FIP1L1: variants seen among roughly 807,000 people sequenced by gnomAD.
The protein encoded by FIP1L1 is factor interacting with PAPOLA and CPSF1.
In FIP1L1, 21 loss-of-function variants were observed where a neutral mutation model predicts 84.6. The observed-to-expected ratio is 0.25, with a 90% CI of 0.18 to 0.36. The LOEUF is 0.36. Among genes scored for constraint, FIP1L1 ranks in the 10% least tolerant of loss-of-function variants. FIP1L1 has a pLI of 1.00. For missense variants in FIP1L1, 526 were observed against 751.1 expected (o/e 0.70, Z 3.50); for synonymous variants, 263 against 242.3 (o/e 1.09, Z -0.80).
intron 11 of FIP1L1, among the ~76,000 whole-genome samples, chr4:53,417,758 C>CAT (rs1760318752): frequency 3.5e-5 from 1 of 28,706 alleles, no homozygotes; most frequent in Non-Finnish European, 7.2e-5. Context: ...CACACACACA[C>CAT]ACACACTCTC....
intron 14 of FIP1L1, among the ~76,000 whole-genome samples, chr4:53,442,973 A>G (rs544048739): frequency 4.2e-4 from 64 of 152,236 alleles, no homozygotes; most frequent in Non-Finnish European, 8.4e-4. Flanking sequence ...AAGCTCCTAG[A>G]CTGTTAAAAA....
At chr4:53,423,476 G>A (rs1485864985) in intron 11 of FIP1L1, among the ~76,000 whole-genome samples, 4 of 152,106 alleles carry the variant, frequency 2.6e-5, no homozygotes, top group South Asian at 2.1e-4. Flanking sequence ...AAGAACTTTC[G>A]TGGAATAATA....
chr4:53,406,548 CT>C lies in FIP1L1; in HGVS notation c.815+6714del, dbSNP rs765024800. 2.6e-5 allele frequency among the ~76,000 whole-genome samples: 4 copies of C among 152,276 alleles called. No individual in the cohort carries two copies. In the East Asian group the frequency reaches 7.7e-4, roughly 29 times the overall value. ...CAAAATGAGTTAGGGAGGATTCCCT[CT>C]TTTTCTATTGATTGGAATAGTTTCA... On this transcript the variant is annotated intron_variant, in intron 10 of 17. Transcript: ENST00000337488.
At position 53,460,815 on chromosome 4, in the gene FIP1L1, C is replaced by A. The variant is rs1478462250; in HGVS notation, c.*1366C>A. 2.3e-5 allele frequency: 29 copies of A among 1,243,650 alleles called. No homozygotes were observed. The highest frequency in any genetic ancestry group is 3.2e-5 in the Non-Finnish European group (28 of 888,050). The allele number at this position is 1,243,650 out of a possible 1,614,324, so 77.0% of individuals were successfully genotyped here. On this transcript the variant is annotated 3_prime_UTR_variant, in exon 18 of 18. Transcript: ENST00000337488. ...CTGACATTTTTACAATGTATTCTTT[C>A]TTTAAATATAAAAACTGACAAGATA...
At chr4:53,392,409 A>G (rs1304292246) in intron 9 of FIP1L1, among the ~76,000 whole-genome samples, 1 of 152,232 alleles carries the variant, frequency 6.6e-6, no homozygotes, top group Non-Finnish European at 1.5e-5. Context: ...TACTGTACAC[A>G]GTTCTATATA....
At chr4:53,394,806 AAATAT>A (rs1408385577) in intron 9 of FIP1L1, among the ~76,000 whole-genome samples, 2 of 151,888 alleles carry the variant, frequency 1.3e-5, no homozygotes, top group Non-Finnish European at 2.9e-5. Flanking sequence ...ATTTTTTTAT[AAATAT>A]AATTTAAAAT....
intron 13 of FIP1L1, among the ~76,000 whole-genome samples, chr4:53,438,889 C>G (rs543943897): frequency 9.2e-5 from 14 of 152,142 alleles, no homozygotes; most frequent in African/African-American, 3.4e-4. Flanking sequence ...TAAGCCTTAG[C>G]TAAAGTGATA....
chr4:53,387,298 A>G (rs1049054986), intron 5 of FIP1L1, among the ~76,000 whole-genome samples: 1 of 152,204 alleles, frequency 6.6e-6, no homozygotes, highest in Admixed American at 6.5e-5. Flanking sequence ...TCCTGTCTCA[A>G]AGAATAAATA....
intron 3 of FIP1L1, among the ~76,000 whole-genome samples, chr4:53,380,026 T>C (rs1560478814): frequency 6.6e-6 from 1 of 152,080 alleles, no homozygotes; most frequent in Non-Finnish European, 1.5e-5. Context: ...TATGGGGAAA[T>C]AAAACCCTCA....
chr4:53,451,312 T>TC (rs1194786094), intron 15 of FIP1L1, among the ~76,000 whole-genome samples: 1 of 151,598 alleles, frequency 6.6e-6, no homozygotes, highest in Non-Finnish European at 1.5e-5. Flanking sequence ...TTTTTTTTTT[T>TC]CCTCATCTTT....
rs1216943458 is a variant in FIP1L1 at position 53,442,676 on chromosome 4, C to A, written c.1198C>A (p.Pro400Thr). The change falls in exon 14 of 18, where the codon CCA (proline) becomes ACA (threonine). Residue 400 changes from proline (P) to threonine (T), a missense_variant. Pro to Thr is a conservative substitution (Grantham distance 38, BLOSUM62 -1). Transcript: ENST00000337488. ...AGGTTTTCCTCCTCCACCAGGCGCT[C>A]CACCTCCATCTCTTATACCAACAAT... ...PPGFPPPPGA[P>T]PPSLIPTIES... 2 of 1,605,592 alleles carry A rather than the reference C, an allele frequency of 1.2e-6. No homozygotes were observed. Among genetic ancestry groups the A allele is most frequent in the East Asian group, 4.5e-5 (2 of 44,816 alleles).
intron 11 of FIP1L1, among the ~76,000 whole-genome samples, chr4:53,419,822 A>C (rs1403334802): frequency 6.6e-6 from 1 of 152,178 alleles, no homozygotes; most frequent in African/African-American, 2.4e-5. Context: ...AGGGCTTGAA[A>C]GATAAATCAG....
intron 15 of FIP1L1, among the ~76,000 whole-genome samples, chr4:53,450,068 C>G (rs939372519): frequency 6.6e-5 from 10 of 151,972 alleles, no homozygotes; most frequent in Admixed American, 6.6e-4. Flanking sequence ...TTTCTATGTA[C>G]TTGATTTCCA....
rs562398607 is a variant in FIP1L1 at position 53,417,989 on chromosome 4, G to C, written c.923+3267G>C. On this transcript the variant is annotated intron_variant, in intron 11 of 17. Transcript: ENST00000337488. ...GTAAATAATGATTAAGATGTTTTTCGTAAGTTATTATATTTGGGCTGGGCG... is the reference window on the plus strand; with the variant it reads ...GTAAATAATGATTAAGATGTTTTTCCTAAGTTATTATATTTGGGCTGGGCG... Among the ~76,000 whole-genome samples the C allele has an allele frequency of 1.2e-3, 186 of 152,174 alleles. 1 individual carries two copies. Among genetic ancestry groups the C allele is most frequent in the Admixed American group, 2.1e-3 (32 of 15,266 alleles).
chr4:53,409,325 C>T (rs1401068787), intron 10 of FIP1L1, among the ~76,000 whole-genome samples: 6 of 152,266 alleles, frequency 3.9e-5, no homozygotes, highest in South Asian at 2.1e-4. Context: ...TCGTGAACCG[C>T]GAATGCTGCT....
intron 13 of FIP1L1, among the ~76,000 whole-genome samples, chr4:53,437,146 G>A (rs1227226310): frequency 6.6e-6 from 1 of 151,814 alleles, no homozygotes; most frequent in African/African-American, 2.4e-5. Flanking sequence ...GGGCAACATA[G>A]CGAAACCCTG....
chr4:53,444,223 A>G (rs1483068800), intron 15 of FIP1L1, 120 bp downstream of exon 15: 1 of 638,332 alleles, frequency 1.6e-6, no homozygotes, highest in Non-Finnish European at 2.8e-6. Context: ...AAAAATATTA[A>G]CTACAGGAAT....
chr4:53,453,598 CTAGA>C (rs1370495513), intron 16 of FIP1L1, among the ~76,000 whole-genome samples: 7 of 152,142 alleles, frequency 4.6e-5, no homozygotes, highest in African/African-American at 1.7e-4. Context: ...ACTTTCAGAG[CTAGA>C]GAAGAGAACT....
At chr4:53,456,483 A>G (rs939524866) in intron 16 of FIP1L1, among the ~76,000 whole-genome samples, 20 of 152,182 alleles carry the variant, frequency 1.3e-4, no homozygotes, top group African/African-American at 1.9e-4. Flanking sequence ...GAATTATCCC[A>G]GGAAAAAATT....
Sources: gnomAD v4.1 joint callset for allele counts (sites outside exome capture counted in the v4.1 genomes callset) on GRCh38, gnomAD v4.1.1 for gene constraint, MANE v1.5 for transcripts, NCBI Gene and HGNC (gene_info 2026-07-23, HGNC 2026-07-21) for gene names.